PNKD: variants seen among roughly 807,000 people sequenced by gnomAD.
PNKD encodes probable thioesterase PNKD.
In PNKD, 36 loss-of-function variants were observed where a neutral mutation model predicts 45.3. That is an observed-to-expected ratio of 0.80 (90% CI 0.61 to 1.05). The LOEUF is 1.05. Among genes scored for constraint, PNKD ranks in the 50% least tolerant of loss-of-function variants. The pLI, the probability that PNKD is intolerant of heterozygous loss-of-function variation, is 0.00. For synonymous variants in PNKD, 197 were observed against 210.1 expected (o/e 0.94, Z 0.54); for missense variants, 511 against 506.6 (o/e 1.01, Z -0.08).
intron 2 of PNKD, among the ~76,000 whole-genome samples, chr2:218,301,972 A>G (rs1167354125): frequency 6.6e-6 from 1 of 152,248 alleles, no homozygotes; most frequent in Non-Finnish European, 1.5e-5. Flanking sequence ...CAGGACAGAT[A>G]TTAGCAACTC....
At position 218,342,036 on chromosome 2, in the gene PNKD, G is replaced by A. The variant is rs1459728761; in HGVS notation, c.673G>A (p.Ala225Thr). The A allele has an allele frequency of 8.1e-6, 13 of 1,613,120 alleles. No homozygotes were observed. Among genetic ancestry groups the A allele is most frequent in the Non-Finnish European group, 1.1e-5 (13 of 1,179,190 alleles). The change falls in exon 7 of 10, where the codon GCT (alanine) becomes ACT (threonine). Residue 225 changes from alanine to threonine, a missense_variant. Transcript: ENST00000273077. The stretch of plus-strand genomic sequence containing the variant: ...GGGACGGCTTCAGATCCGGGCCCTG[G>A]CTACACCTGGCCACACACAAGGCCA... Reference protein sequence around the residue: ...SVGRLQIRALATPGHTQGHLV... With the variant: ...SVGRLQIRALTTPGHTQGHLV...
rs1559533066 is a variant in PNKD, at chr2:218,341,984, CCT to C, written c.622_623del (p.Leu208ValfsTer57). On this transcript the variant is annotated frameshift_variant, in exon 7 of 10. Coordinates refer to ENST00000273077, the MANE Select transcript of PNKD (RefSeq NM_015488.5). LOFTEE classifies it high-confidence loss of function. Reference protein sequence around the residue: ...QDGIPYLTHPLCHQDVVSVGR... With the variant: ...QDGIPYLTHPXCHQDVVSVGR... ...CCCCTGCTCCCTTGTTCCCCAGTCC[CCT>C]GTGTCATCAAGATGTGGTCAGCGTG... 3 of 1,612,642 alleles carry C rather than the reference CCT, an allele frequency of 1.9e-6. No homozygotes were observed. The highest frequency in any genetic ancestry group is 2.2e-5 in the East Asian group (1 of 44,874).
chr2:218,295,846 T>TC (rs1264562807), intron 2 of PNKD, among the ~76,000 whole-genome samples: 1 of 50,626 alleles, frequency 2.0e-5, no homozygotes, highest in African/African-American at 3.4e-5. Context: ...CAACAAACCT[T>TC]TTTTTTTTTT....
intron 2 of PNKD, among the ~76,000 whole-genome samples, chr2:218,334,159 G>C (rs1694415261): frequency 6.6e-6 from 1 of 151,794 alleles, no homozygotes; most frequent in South Asian, 2.1e-4. Flanking sequence ...AATGATTTCA[G>C]ACTTGTCAAA....
chr2:218,306,334 G>A (rs1426300754), intron 2 of PNKD, among the ~76,000 whole-genome samples: 1 of 152,134 alleles, frequency 6.6e-6, no homozygotes, highest in Non-Finnish European at 1.5e-5. Flanking sequence ...TTGGGATGAT[G>A]CAATGGGAAA....
At chr2:218,319,371 CTTTTT>C (rs35553031) in intron 2 of PNKD, among the ~76,000 whole-genome samples, 1 of 80,214 alleles carries the variant, frequency 1.2e-5, no homozygotes. Context: ...TCTTGTTTGT[CTTTTT>C]TTTTTTTTTT....
At chr2:218,278,261 C>T (rs565067717) in intron 2 of PNKD, 25 of 604,090 alleles carry the variant, frequency 4.1e-5, no homozygotes, top group Non-Finnish European at 7.0e-5. Context: ...CTTTGAGCCT[C>T]GGGTTCTTCC....
At chr2:218,335,351 C>A (rs571605764) in intron 2 of PNKD, among the ~76,000 whole-genome samples, 1 of 152,044 alleles carries the variant, frequency 6.6e-6, no homozygotes, top group East Asian at 1.9e-4. Context: ...CGTGGTGTCG[C>A]ATGCCTGTAA....
chr2:218,277,142 C>T (rs375701370), intron 2 of PNKD: 12 of 1,554,886 alleles, frequency 7.7e-6, no homozygotes, highest in African/African-American at 1.4e-5. Context: ...ATGGCTGTGA[C>T]AACCAGCCCA....
At chr2:218,281,940 C>G in intron 2 of PNKD, 1 of 1,592,614 alleles carries the variant, frequency 6.3e-7, no homozygotes, top group East Asian at 2.3e-5. Context: ...CAGGACTCAC[C>G]GTAGTTCATG....
intron 2 of PNKD, among the ~76,000 whole-genome samples, chr2:218,297,784 G>C (rs1693180769): frequency 6.6e-6 from 1 of 151,044 alleles, no homozygotes; most frequent in African/African-American, 2.4e-5. Context: ...CAGATCACAA[G>C]GTCAGGAGAT....
chr2:218,278,887 C>T (rs1327764093), intron 2 of PNKD: 2 of 862,282 alleles, frequency 2.3e-6, no homozygotes, highest in Non-Finnish European at 3.6e-6. Context: ...TCTGGGCACG[C>T]ACACCCACAC....
intron 2 of PNKD, among the ~76,000 whole-genome samples, chr2:218,307,976 T>C (rs1248074121): frequency 6.6e-6 from 1 of 152,092 alleles, no homozygotes; most frequent in Non-Finnish European, 1.5e-5. Context: ...AGGGGCCCAG[T>C]TGAGTGGCCT....
At chr2:218,290,821 G>A (rs1692884411) in intron 2 of PNKD, among the ~76,000 whole-genome samples, 1 of 152,218 alleles carries the variant, frequency 6.6e-6, no homozygotes, top group Non-Finnish European at 1.5e-5. Context: ...AGGGTTGGAA[G>A]ATTCTGTCAA....
rs11403316 is a variant in PNKD at position 218,276,641 on chromosome 2, A to ACC, written c.236+5096_236+5097dup. On this transcript the variant is annotated intron_variant, in intron 2 of 9. Coordinates refer to ENST00000273077, the MANE Select transcript of PNKD (RefSeq NM_015488.5). ...ATAAAGGAAATAATTGGATCCAGAG[A>ACC]CCCCCGCAAGGTCCCTTCCACCTAG... 1.8e-4 allele frequency among the ~76,000 whole-genome samples: 27 copies of ACC among 151,776 alleles called. No homozygotes were observed. The South Asian group carries it at 4.4e-3, about 25-fold the overall frequency.
rs1694161437 is a variant in PNKD at position 218,326,647 on chromosome 2, G to T, written c.237-13136G>T. Among the ~76,000 whole-genome samples, 1 of 152,158 alleles carries T rather than the reference G, an allele frequency of 6.6e-6. No individual in the cohort carries two copies. Among genetic ancestry groups the T allele is most frequent in the South Asian group, 2.1e-4 (1 of 4,830 alleles). Reference sequence around the variant, plus strand: ...TAGCAGGTGTTCCTGATGTGGCCTGGAGTTGGGTGGGAGAGTATCTATGGC... The same window carrying T: ...TAGCAGGTGTTCCTGATGTGGCCTGTAGTTGGGTGGGAGAGTATCTATGGC... On this transcript the variant is annotated intron_variant, in intron 2 of 9. Coordinates refer to ENST00000273077, the MANE Select transcript of PNKD (RefSeq NM_015488.5). This position sits in a 1 kb window ranked among gnomAD's most constrained non-coding sequence, Gnocchi z 4.1.
intron 2 of PNKD, among the ~76,000 whole-genome samples, chr2:218,329,554 C>A (rs558800210): frequency 2.0e-5 from 3 of 152,224 alleles, no homozygotes; most frequent in Non-Finnish European, 4.4e-5. Context: ...CCTCCCCTTC[C>A]GTCAGTGACA....
intron 2 of PNKD, among the ~76,000 whole-genome samples, chr2:218,332,128 T>C (rs1563598): frequency 0.99 from 151,270 of 152,310 alleles, 75,126 homozygotes; most frequent in East Asian, 1. Context: ...CAGGAGCAAG[T>C]CTCAGCAAAA....
intron 2 of PNKD, among the ~76,000 whole-genome samples, chr2:218,335,608 A>ACAAAT (rs1694465884): frequency 3.5e-4 from 1 of 2,892 alleles, no homozygotes; most frequent in Non-Finnish European, 1.4e-3. Context: ...ATATTGTTGA[A>ACAAAT]GAAATGTAAG....
Sources: allele counts gnomAD v4.1 joint callset (sites outside exome capture counted in the v4.1 genomes callset), GRCh38; gene constraint gnomAD v4.1.1; non-coding constraint Gnocchi (gnomAD v3.1); transcripts MANE v1.5; gene names NCBI Gene and HGNC (gene_info 2026-07-23, HGNC 2026-07-21).